Variants in MME observed in about 807,000 individuals in gnomAD.
MME encodes the protein neprilysin.
A neutral mutation model predicts 113.2 loss-of-function variants in MME; 98 were observed. That is an observed-to-expected ratio of 0.87 (90% CI 0.74 to 1.02). The LOEUF (loss-of-function observed/expected upper bound fraction) is 1.02. MME is among the 50% of genes least tolerant of loss of function. The pLI is 0.00. For synonymous variants in MME, 292 were observed against 300.6 expected, an observed-to-expected ratio of 0.97 and a Z score of 0.30; for missense variants, 836 against 896.0, an observed-to-expected ratio of 0.93 and a Z score of 0.86.
intron 17 of MME, among the ~76,000 whole-genome samples, chr3:155,165,806 G>A (rs1723050407): frequency 6.6e-6 from 1 of 152,164 alleles, no homozygotes; most frequent in African/African-American, 2.4e-5. Flanking sequence ...GTAAAAGAAA[G>A]GAGGCATCTA....
Position 155,147,230 on chromosome 3 carries a change from T to A in MME, c.1497+6T>A. The A allele has an allele frequency of 6.4e-7, 1 of 1,558,008 alleles. No individual in the cohort carries two copies. Among genetic ancestry groups the A allele is most frequent in the South Asian group, 1.1e-5 (1 of 89,962 alleles). ...TGAATAATGAGTACCTCGAGGTAAGTCTCTATAAAATAGACTCTGGACTAC... is the reference window on the plus strand; with the variant it reads ...TGAATAATGAGTACCTCGAGGTAAGACTCTATAAAATAGACTCTGGACTAC... On this transcript the variant is annotated splice_donor_region_variant and intron_variant, in intron 15 of 22. Transcript: ENST00000360490.
rs201425951 is a variant in MME, at chr3:155,115,031, G to T, written c.234G>T (p.Glu78Asp). 1 of 1,614,056 alleles carries T rather than the reference G, an allele frequency of 6.2e-7. No homozygotes were observed. Among genetic ancestry groups the T allele is most frequent in the East Asian group, 2.2e-5 (1 of 44,858 alleles). The change falls in exon 4 of 23, where the codon GAG becomes GAT. Residue 78 changes from glutamate (E) to aspartate (D), a missense_variant. Glu to Asp is a conservative substitution (Grantham distance 45, BLOSUM62 2). Transcript: ENST00000360490. ...TCCAAAACATGGATGCCACCACTGA[G>T]CCTTGTACAGACTTTTTCAAATATG... ...RLIQNMDATT[E>D]PCTDFFKYAC...
chr3:155,084,036 C>CA (rs1715417192), intron 1 of MME, 122 bp from the exon 2 acceptor site: 2 of 981,212 alleles, frequency 2.0e-6, no homozygotes, highest in African/African-American at 1.6e-5. Context: ...TTCTCAACAG[C>CA]AAAAATGTAT....
rs999740552 is a variant in MME at position 155,183,137 on chromosome 3, G to A, written c.*2678G>A. On this transcript the variant is annotated 3_prime_UTR_variant, in exon 23 of 23. Transcript: ENST00000360490. Reference sequence around the variant, plus strand: ...AAGGAGTCTGCCTCCATGCTGCAGTGTTCGAGTGGATTGTAGGTGCAAGAT... The same window carrying A: ...AAGGAGTCTGCCTCCATGCTGCAGTATTCGAGTGGATTGTAGGTGCAAGAT... 1 of 152,240 alleles carries A rather than the reference G, an allele frequency of 6.6e-6. No individual in the cohort carries two copies. The highest frequency in any genetic ancestry group is 1.5e-5 in the Non-Finnish European group (1 of 68,080). 9.4% of individuals were successfully genotyped at this position (152,240 alleles called of 1,614,324 possible). A position where few individuals can be genotyped will look rare whatever the true frequency, so the allele number is the denominator to read the frequency against.
At chr3:155,109,938 C>T (rs1000920217) in intron 3 of MME, among the ~76,000 whole-genome samples, 39 of 152,212 alleles carry the variant, frequency 2.6e-4, no homozygotes, top group African/African-American at 9.4e-4. Flanking sequence ...TGAGTGCATC[C>T]ACCTAGCGTG....
At chr3:155,034,419 A>G (rs1432843705) in intron 1 of MME, among the ~76,000 whole-genome samples, 1 of 152,212 alleles carries the variant, frequency 6.6e-6, no homozygotes, top group Non-Finnish European at 1.5e-5. Context: ...AATACAGACC[A>G]TAGTTATCAA....
chr3:155,039,251 C>A (rs890422), intron 1 of MME, among the ~76,000 whole-genome samples: 1,532 of 152,248 alleles, frequency 0.01, 20 homozygotes, highest in African/African-American at 0.033. Flanking sequence ...GTGTGAAAGT[C>A]CTCCTCTAGT....
chr3:155,047,475 T>C (rs1226344994), intron 1 of MME, among the ~76,000 whole-genome samples: 1 of 152,198 alleles, frequency 6.6e-6, no homozygotes, highest in Non-Finnish European at 1.5e-5. Context: ...CATATCCTTG[T>C]TGTTAAGCAA....
chr3:155,025,685 C>T (rs1295731463), intron 1 of MME, among the ~76,000 whole-genome samples: 6 of 129,856 alleles, frequency 4.6e-5, no homozygotes, highest in South Asian at 2.6e-4. Context: ...TTCTTTCTTT[C>T]TTTCTTTTTT....
Position 155,109,339 on chromosome 3 carries a change from T to G in MME, c.197-5655T>G, listed in dbSNP as rs1338026040. Reference sequence around the variant, plus strand: ...TCCAGCTTCAGCACCCAGCGGGAACTGGATCATGGGTGGTGTCTGGGTAGG... The same window carrying G: ...TCCAGCTTCAGCACCCAGCGGGAACGGGATCATGGGTGGTGTCTGGGTAGG... On this transcript the variant is annotated intron_variant, in intron 3 of 22. Transcript: ENST00000360490. Among the ~76,000 whole-genome samples, 3 of 152,084 alleles carry G rather than the reference T, an allele frequency of 2.0e-5. No homozygotes were observed. In the East Asian group the frequency reaches 5.8e-4, roughly 29 times the overall value.
At chr3:155,172,054 C>A in intron 20 of MME, 63 bp from the exon 21 acceptor site, 1 of 962,912 alleles carries the variant, frequency 1.0e-6, no homozygotes, top group Non-Finnish European at 1.7e-6. Context: ...TGATCTTTTA[C>A]ATAGGTTTAT....
At chr3:155,133,051 A>AT in intron 8 of MME, among the ~76,000 whole-genome samples, 1 of 138,052 alleles carries the variant, frequency 7.2e-6, no homozygotes, top group African/African-American at 2.7e-5. Context: ...AAAAAAAAAA[A>AT]AAAAAAAAAA....
chr3:155,042,909 T>TATATATATATATATAC (rs1424993508), intron 1 of MME, among the ~76,000 whole-genome samples: 1 of 39,548 alleles, frequency 2.5e-5, no homozygotes, highest in East Asian at 1.0e-3. Context: ...TTTATATATA[T>TATATATATATATATAC]ATATATATAT....
rs199855961 is a variant in MME at position 155,180,428 on chromosome 3, T to C, written c.2222T>C (p.Met741Thr). 1.5e-5 allele frequency: 25 copies of C among 1,613,434 alleles called. No individual in the cohort carries two copies. Among genetic ancestry groups the C allele is most frequent in the Non-Finnish European group, 1.9e-5 (23 of 1,179,578 alleles). Residue 741 changes from methionine (M) to threonine (T), a missense_variant, in exon 23 of 23, where the codon ATG becomes ACG. Met to Thr is a moderately conservative substitution (Grantham distance 81). Coordinates refer to ENST00000360490, the MANE Select transcript of MME (RefSeq NM_007289.4). ...TTTCACTGCCGCAAGAATTCATACA[T>C]GAATCCAGAAAAGAAGTGCCGGGTT... ...EAFHCRKNSY[M>T]NPEKKCRVW
At chr3:155,043,031 GTTTT>G (rs897252905) in intron 1 of MME, among the ~76,000 whole-genome samples, 4 of 137,148 alleles carry the variant, frequency 2.9e-5, no homozygotes, top group Non-Finnish European at 6.3e-5. Flanking sequence ...ACATTTTTTT[GTTTT>G]TTTAATTTTG....
chr3:155,118,727 T>G lies in MME; in HGVS notation c.655-19T>G. ...TATTCACTGAATGATTTATTTTCTTTTATGTATATTTTTTATAGATTGACC... is the reference window on the plus strand; with the variant it reads ...TATTCACTGAATGATTTATTTTCTTGTATGTATATTTTTTATAGATTGACC... On this transcript the variant is annotated intron_variant, in intron 7 of 22. Coordinates refer to ENST00000360490, the MANE Select transcript of MME (RefSeq NM_007289.4). 1.4e-6 allele frequency: 2 copies of G among 1,477,490 alleles called. No homozygotes were observed. Among genetic ancestry groups the G allele is most frequent in the South Asian group, 1.2e-5 (1 of 85,516 alleles). 91.5% of individuals were successfully genotyped at this position (1,477,490 alleles called of 1,614,324 possible).
intron 1 of MME, among the ~76,000 whole-genome samples, 181 bp downstream of exon 1, chr3:155,080,647 G>A (rs1715054978): frequency 6.6e-6 from 1 of 152,100 alleles, no homozygotes; most frequent in Non-Finnish European, 1.5e-5. Flanking sequence ...GGGCTGGTGT[G>A]TCCTTTTGTA....
chr3:155,111,586 T>C (rs985661819), intron 3 of MME, among the ~76,000 whole-genome samples: 1 of 152,240 alleles, frequency 6.6e-6, no homozygotes, highest in South Asian at 2.1e-4. Context: ...TTTGCACTCA[T>C]GATCAGAGAA....
chr3:155,136,980 T>A (rs1185574263), intron 8 of MME, among the ~76,000 whole-genome samples: 1 of 152,184 alleles, frequency 6.6e-6, no homozygotes, highest in African/African-American at 2.4e-5. Flanking sequence ...TAATAATGGC[T>A]AATAAATAGC....
Sources: allele counts gnomAD v4.1 joint callset (sites outside exome capture counted in the v4.1 genomes callset), GRCh38; gene constraint gnomAD v4.1.1; transcripts MANE v1.5; gene names NCBI Gene and HGNC (gene_info 2026-07-23, HGNC 2026-07-21).